The following DOCK5 variants were observed in gnomAD, a reference collection of about 807,000 sequenced individuals.
DOCK5 encodes dedicator of cytokinesis 5, also known as dedicator of cytokinesis protein 5.
DOCK5 carries 142 observed loss-of-function variants against 251.8 expected under a neutral mutation model. The observed-to-expected ratio is 0.56, with a 90% CI of 0.49 to 0.65. The LOEUF is 0.65. Ranked by LOEUF, DOCK5 falls within the 30% of genes least tolerant of loss-of-function variation. The probability of loss-of-function intolerance (pLI) is 0.00; values close to 1 mark genes in which losing one functional copy is unlikely to be tolerated. For missense variants in DOCK5, 2,111 were observed against 2,312.3 expected, an observed-to-expected ratio of 0.91 and a Z score of 1.79; for synonymous variants, 842 against 835.5, an observed-to-expected ratio of 1.01 and a Z score of -0.13.
intron 3 of DOCK5, chr8:25,271,099 C>G: frequency 2.8e-6 from 1 of 352,282 alleles, no homozygotes; most frequent in Non-Finnish European, 5.1e-6. Context: ...CTAATAGTGC[C>G]ATTGTTGTTG....
chr8:25,256,564 G>T (rs1160095055), intron 2 of DOCK5, among the ~76,000 whole-genome samples: 1 of 151,418 alleles, frequency 6.6e-6, no homozygotes, highest in Admixed American at 6.6e-5. Flanking sequence ...ACTTGAACCT[G>T]GGAAGGAGAG....
chr8:25,301,229 A>G (rs372374197), intron 9 of DOCK5, among the ~76,000 whole-genome samples: 2 of 152,196 alleles, frequency 1.3e-5, no homozygotes, highest in African/African-American at 4.8e-5. Flanking sequence ...GGGGTCTCAG[A>G]GCATATTCAT....
At chr8:25,224,300 G>C (rs1324640740) in intron 1 of DOCK5, among the ~76,000 whole-genome samples, 2 of 152,068 alleles carry the variant, frequency 1.3e-5, no homozygotes, top group Non-Finnish European at 2.9e-5. Flanking sequence ...TATATTTTTA[G>C]TAGAGACGGG....
intron 1 of DOCK5, among the ~76,000 whole-genome samples, chr8:25,243,098 C>A (rs112832684): frequency 0.01 from 1,561 of 152,278 alleles, 32 homozygotes; most frequent in African/African-American, 0.036. Flanking sequence ...TATTTGATAT[C>A]TTTCTTCCTT....
rs1250397281 is a variant in DOCK5 at position 25,321,812 on chromosome 8, A to G, written c.1615+760A>G. Among the ~76,000 whole-genome samples, 6 of 152,274 alleles carry G rather than the reference A, an allele frequency of 3.9e-5. No homozygotes were observed. In the East Asian group the frequency reaches 7.7e-4, roughly 20 times the overall value. On this transcript the variant is annotated intron_variant, in intron 16 of 51. Transcript: ENST00000276440. The stretch of plus-strand genomic sequence containing the variant: ...GCTCTAAGATGCTACTAGATGCTCT[A>G]TAACAAAAAGTGTTGTATTTCACAA...
intron 2 of DOCK5, among the ~76,000 whole-genome samples, chr8:25,255,576 T>G (rs1234605566): frequency 1.3e-5 from 2 of 152,178 alleles, no homozygotes; most frequent in East Asian, 1.9e-4. Flanking sequence ...GCAGTAAATC[T>G]ACTCTGTATG....
intron 1 of DOCK5, among the ~76,000 whole-genome samples, chr8:25,200,519 A>T (rs538812529): frequency 6.6e-6 from 1 of 152,328 alleles, no homozygotes; most frequent in African/African-American, 2.4e-5. Context: ...TCAAAAAATG[A>T]TACTGAGTCG....
intron 15 of DOCK5, among the ~76,000 whole-genome samples, chr8:25,320,531 G>A (rs549221997): frequency 6.6e-6 from 1 of 152,250 alleles, no homozygotes; most frequent in South Asian, 2.1e-4. Context: ...AGTGCCCTAA[G>A]GCTCTGTTTC....
chr8:25,411,013 G>C (rs918349102), intron 51 of DOCK5, among the ~76,000 whole-genome samples, 181 bp from the exon 52 acceptor site: 4 of 143,450 alleles, frequency 2.8e-5, no homozygotes, highest in African/African-American at 1.1e-4. Flanking sequence ...GCGTGTGTCT[G>C]ATTAGCTCAT....
At position 25,360,288 on chromosome 8, in the gene DOCK5, C is replaced by A. The variant is rs78805571; in HGVS notation, c.2949+1227C>A. 7.7e-3 allele frequency among the ~76,000 whole-genome samples: 1,168 copies of A among 152,304 alleles called. 10 individuals carry two copies. The highest frequency in any genetic ancestry group is 0.026 in the African/African-American group (1,081 of 41,562). On this transcript the variant is annotated intron_variant, in intron 28 of 51. Coordinates refer to ENST00000276440, the MANE Select transcript of DOCK5 (RefSeq NM_024940.8). ...TTGGTTCCATGGTGGACTCTCAATG[C>A]CGTGTTAGACTACGTGGCTTTAGCT...
chr8:25,385,560 A>G (rs1055549751), intron 40 of DOCK5, among the ~76,000 whole-genome samples: 2 of 152,180 alleles, frequency 1.3e-5, no homozygotes, highest in Non-Finnish European at 2.9e-5. Context: ...AGAGTCACAG[A>G]GGAGAGAATG....
chr8:25,375,598 C>T, intron 37 of DOCK5: 1 of 783,468 alleles, frequency 1.3e-6, no homozygotes, highest in Non-Finnish European at 1.5e-6. Context: ...GCATGTCACA[C>T]CTTGAGCACT....
chr8:25,320,493 C>CT (rs1431870612), intron 15 of DOCK5, among the ~76,000 whole-genome samples: 2 of 152,188 alleles, frequency 1.3e-5, no homozygotes, highest in African/African-American at 4.8e-5. Context: ...CATGATTTGA[C>CT]TGCACACCAC....
chr8:25,284,741 T>A (rs1030043967), intron 5 of DOCK5, among the ~76,000 whole-genome samples: 10 of 152,240 alleles, frequency 6.6e-5, no homozygotes, highest in Admixed American at 5.9e-4. Context: ...AACTTTTATC[T>A]TGTCGATAAC....
At chr8:25,224,739 C>G (rs533983722) in intron 1 of DOCK5, among the ~76,000 whole-genome samples, 10 of 152,266 alleles carry the variant, frequency 6.6e-5, no homozygotes, top group African/African-American at 2.4e-4. Context: ...GCCAGAAAGG[C>G]AACCCCCATG....
At chr8:25,227,230 T>C (rs11987203) in intron 1 of DOCK5, among the ~76,000 whole-genome samples, 13,033 of 152,244 alleles carry the variant, frequency 0.086, 1,512 homozygotes, top group African/African-American at 0.27. Context: ...CGACCTCCCA[T>C]GAGGGCCAGG....
intron 1 of DOCK5, among the ~76,000 whole-genome samples, chr8:25,229,631 A>G (rs1256814448): frequency 6.6e-6 from 1 of 152,166 alleles, no homozygotes; most frequent in Non-Finnish European, 1.5e-5. Flanking sequence ...ATTGCGACTA[A>G]TTGTATCTCA....
intron 1 of DOCK5, among the ~76,000 whole-genome samples, chr8:25,188,086 C>T (rs571235399): frequency 2.0e-5 from 3 of 152,288 alleles, no homozygotes; most frequent in East Asian, 3.9e-4. Context: ...TTCTAAAGTA[C>T]ACTAACCTAG....
chr8:25,352,562 G>C (rs1346667487), intron 27 of DOCK5, among the ~76,000 whole-genome samples: 1 of 152,096 alleles, frequency 6.6e-6, no homozygotes, highest in African/African-American at 2.4e-5. Context: ...TATATTAAAA[G>C]CTTCCTATAT....
Sources: allele counts gnomAD v4.1 joint callset (sites outside exome capture counted in the v4.1 genomes callset), GRCh38; gene constraint gnomAD v4.1.1; transcripts MANE v1.5; gene names NCBI Gene and HGNC (gene_info 2026-07-23, HGNC 2026-07-21).